MAS1L: variants seen among roughly 807,000 people sequenced by gnomAD.
The protein encoded by MAS1L is MAS1 proto-oncogene like, G protein-coupled receptor.
For missense variants in MAS1L, 441 were observed against 460.1 expected (o/e 0.96, Z 0.38); for synonymous variants, 160 against 182.9 (o/e 0.87, Z 1.01).
At position 29,487,120 on chromosome 6, in the gene MAS1L, C is replaced by T; in HGVS notation, c.783G>A (p.Arg261=). 6.2e-7 allele frequency: 1 copy of T among 1,613,998 alleles called. No individual in the cohort carries two copies. The highest frequency in any genetic ancestry group is 8.5e-7 in the Non-Finnish European group (1 of 1,179,970). The change falls in exon 1 of 1, where the codon AGG becomes AGA. Residue 261 remains arginine (R), a synonymous_variant. Transcript: ENST00000377127. The part of the protein sequence containing the change: ...LCCSQQQKAT[R]VYAVVQISAP... ...CCGAGATCTGCACCACCGCATAGACCCTGGTGGCCTTTTGCTGCTGGGAGC... is the reference window on the plus strand; with the variant it reads ...CCGAGATCTGCACCACCGCATAGACTCTGGTGGCCTTTTGCTGCTGGGAGC...
Position 29,487,286 on chromosome 6 carries a change from A to G in MAS1L, c.617T>C (p.Ile206Thr), listed in dbSNP as rs374509407. ...GTAAGTTAGGAAAAGTGATTTTACT[A>G]TGTTGATGCAAAAAGGCAGGCCCCA... ...LIWGLPFCINIVKSLFLTYWK... is the reference protein window; with the variant it reads ...LIWGLPFCINTVKSLFLTYWK... Residue 206 changes from isoleucine to threonine, a missense_variant, in exon 1 of 1, where the codon ATA (isoleucine) becomes ACA (threonine). Coordinates refer to ENST00000377127, the MANE Select transcript of MAS1L (RefSeq NM_052967.2). 2.8e-5 allele frequency: 46 copies of G among 1,614,172 alleles called. No individual in the cohort carries two copies. The African/African-American group carries it at 5.3e-4, about 19-fold the overall frequency.
chr6:29,487,947 A>G lies in MAS1L; in HGVS notation c.-45T>C, dbSNP rs763902051. The G allele has an allele frequency of 6.4e-7, 1 of 1,561,172 alleles. No individual in the cohort carries two copies. The highest frequency in any genetic ancestry group is 8.6e-7 in the Non-Finnish European group (1 of 1,156,674). On this transcript the variant is annotated 5_prime_UTR_variant, in exon 1 of 1. Transcript: ENST00000377127. The stretch of plus-strand genomic sequence containing the variant: ...GGGCCACAACATCACAGTCAGGAGC[A>G]GTGGTCCATCTAGTGGTGTCCTCTG...
chr6:29,487,647 A>G lies in MAS1L; in HGVS notation c.256T>C (p.Ser86Pro), dbSNP rs772533864. ...CCATTCAATAAGACCCCACAGAGGG[A>G]GACCAGCACAGCCTTGGGGGCAATG... ...NIIAPKAVLV[S>P]LCGVLLNGTV... The change falls in exon 1 of 1, where the codon TCC becomes CCC. Residue 86 changes from serine (S) to proline (P), a missense_variant. Transcript: ENST00000377127. 4 of 1,614,226 alleles carry G rather than the reference A, an allele frequency of 2.5e-6. No individual in the cohort carries two copies. The South Asian group carries it at 4.4e-5, about 18-fold the overall frequency.
rs560318783 is a variant in MAS1L at position 29,487,664 on chromosome 6, G to C, written c.239C>G (p.Pro80Arg). The change falls in exon 1 of 1, where the codon CCC (proline) becomes CGC (arginine). Residue 80 changes from proline to arginine, a missense_variant. By Grantham distance (103) the Pro-to-Arg change is moderately radical. Coordinates refer to ENST00000377127, the MANE Select transcript of MAS1L (RefSeq NM_052967.2). The stretch of plus-strand genomic sequence containing the variant: ...ACAGAGGGAGACCAGCACAGCCTTG[G>C]GGGCAATGATATTCAAGGGCAGGGC... ...QQALPLNIIA[P>R]KAVLVSLCGV... is the part of the protein sequence containing the mutation. 3.3e-5 allele frequency: 54 copies of C among 1,614,166 alleles called. No individual in the cohort carries two copies. In the South Asian group the frequency reaches 4.0e-4, roughly 12 times the overall value.
chr6:29,487,890 TC>T, the MAS1L span: 1 of 1,608,448 alleles, frequency 6.2e-7, no homozygotes, highest in Non-Finnish European at 8.5e-7. Flanking sequence ...CAGCAAATTT[TC>T]CCCCAGACCA....
chr6:29,487,343 T>C lies in MAS1L; in HGVS notation c.560A>G (p.Lys187Arg), dbSNP rs751134010. Residue 187 changes from lysine to arginine, a missense_variant, in exon 1 of 1, where the codon AAA becomes AGA. Transcript: ENST00000377127. ...FPIWYRCHRPKYTSNVVCTLI... is the reference protein window; with the variant it reads ...FPIWYRCHRPRYTSNVVCTLI... ...GGTGCAGACAACATTAGATGTGTATTTTGGGCGGTGGCATCTGTACCAGAT... is the reference window on the plus strand; with the variant it reads ...GGTGCAGACAACATTAGATGTGTATCTTGGGCGGTGGCATCTGTACCAGAT... 6.2e-7 allele frequency: 1 copy of C among 1,613,990 alleles called. No homozygotes were observed. The highest frequency in any genetic ancestry group is 8.5e-7 in the Non-Finnish European group (1 of 1,180,020).
rs1216922847 is a variant in MAS1L, at chr6:29,487,606, C to T, written c.297G>A (p.Leu99=). The T allele has an allele frequency of 5.0e-6, 8 of 1,614,218 alleles. No individual in the cohort carries two copies. Among genetic ancestry groups the T allele is most frequent in the Non-Finnish European group, 6.8e-6 (8 of 1,180,042 alleles). The change falls in exon 1 of 1, where the codon CTG becomes CTA. Residue 99 remains leucine (L), a synonymous_variant. Coordinates refer to ENST00000377127, the MANE Select transcript of MAS1L (RefSeq NM_052967.2). ...GVLLNGTVFW[L]LCCGATNPYM... Reference sequence around the variant, plus strand: ...AGGGATTCGTGGCCCCACAGCAAAGCAGCCAGAAGACAGTGCCATTCAATA... The same window carrying T: ...AGGGATTCGTGGCCCCACAGCAAAGTAGCCAGAAGACAGTGCCATTCAATA...
At position 29,487,905 on chromosome 6, in the gene MAS1L, G is replaced by A; in HGVS notation, c.-3C>T. ...CAGCAAATTTTCCCCCAGACCATGG[G>A]GTGCTGGGACCTGAGTGGGCCACAA... On this transcript the variant is annotated 5_prime_UTR_variant, in exon 1 of 1. Coordinates refer to ENST00000377127, the MANE Select transcript of MAS1L (RefSeq NM_052967.2). 1 of 1,603,520 alleles carries A rather than the reference G, an allele frequency of 6.2e-7. No individual in the cohort carries two copies. Among genetic ancestry groups the A allele is most frequent in the Non-Finnish European group, 8.5e-7 (1 of 1,176,246 alleles).
chr6:29,487,238 A>G lies in MAS1L; in HGVS notation c.665T>C (p.Val222Ala). Residue 222 changes from valine to alanine, a missense_variant, in exon 1 of 1, where the codon GTC becomes GCC. Coordinates refer to ENST00000377127, the MANE Select transcript of MAS1L (RefSeq NM_052967.2). The part of the protein sequence containing the change: ...LTYWKHVKAC[V>A]IFLKLSGLFH... ...GAGCCCAGAAAGCTTTAGAAATATG[A>G]CACATGCCTTTACATGTTTCCAGTA... 2 of 1,614,154 alleles carry G rather than the reference A, an allele frequency of 1.2e-6. No homozygotes were observed. The highest frequency in any genetic ancestry group is 2.2e-5 in the South Asian group (2 of 91,080).
At position 29,487,573 on chromosome 6, in the gene MAS1L, T is replaced by C. The variant is rs765710684; in HGVS notation, c.330A>G (p.Val110=). The change falls in exon 1 of 1, where the codon GTA becomes GTG. Residue 110 remains valine (V), a synonymous_variant. Transcript: ENST00000377127. ...CAGCAGCGACCAGGTGGAGGATGTA[T>C]ACCATGTAGGGATTCGTGGCCCCAC... ...LCCGATNPYM[V]YILHLVAADV... 1.9e-6 allele frequency: 3 copies of C among 1,614,010 alleles called. No homozygotes were observed. Among genetic ancestry groups the C allele is most frequent in the Non-Finnish European group, 2.5e-6 (3 of 1,180,028 alleles).
rs1293691952 is a variant in MAS1L, at chr6:29,487,861, T to C, written c.42A>G (p.Gly14=). The C allele has an allele frequency of 6.2e-7, 1 of 1,613,054 alleles. No individual in the cohort carries two copies. Among genetic ancestry groups the C allele is most frequent in the Non-Finnish European group, 8.5e-7 (1 of 1,179,858 alleles). Residue 14 remains glycine (G), a synonymous_variant, in exon 1 of 1, where the codon GGA becomes GGG. Coordinates refer to ENST00000377127, the MANE Select transcript of MAS1L (RefSeq NM_052967.2). ...GKICWFSQRA[G]WTVFAESQIS... ...TCTGTGACTCAGCAAACACTGTCCA[T>C]CCAGCCCTCTGGCTGAACCAGCAAA...
Position 29,487,895 on chromosome 6 carries a change from CAGA to C in MAS1L, c.5_7del (p.Val2_Trp3delinsGly). On this transcript the variant is annotated inframe_deletion, in exon 1 of 1. Transcript: ENST00000377127. ...CTGGCTGAACCAGCAAATTTTCCCC[CAGA>C]CCATGGGGTGCTGGGACCTGAGTGG... 6.2e-7 allele frequency: 1 copy of C among 1,607,552 alleles called. No homozygotes were observed. Among genetic ancestry groups the C allele is most frequent in the South Asian group, 1.1e-5 (1 of 90,590 alleles).
At position 29,487,828 on chromosome 6, in the gene MAS1L, G is replaced by A; in HGVS notation, c.75C>T (p.Leu25=). The stretch of plus-strand genomic sequence containing the variant: ...CACTGTGGAGACAAAGGCTACATGA[G>A]AGAGATATCTGTGACTCAGCAAACA... ...WTVFAESQIS[L]SCSLCLHSGD... is the part of the protein sequence containing the mutation. The change falls in exon 1 of 1, where the codon CTC becomes CTT. Residue 25 remains leucine (L), a synonymous_variant. Coordinates refer to ENST00000377127, the MANE Select transcript of MAS1L (RefSeq NM_052967.2). 1 of 1,614,098 alleles carries A rather than the reference G, an allele frequency of 6.2e-7. No individual in the cohort carries two copies. Among genetic ancestry groups the A allele is most frequent in the East Asian group, 2.2e-5 (1 of 44,884 alleles).
At position 29,487,091 on chromosome 6, in the gene MAS1L, G is replaced by C; in HGVS notation, c.812C>G (p.Pro271Arg). The C allele has an allele frequency of 6.4e-7, 1 of 1,572,554 alleles. No homozygotes were observed. The highest frequency in any genetic ancestry group is 2.3e-5 in the East Asian group (1 of 43,264). The change falls in exon 1 of 1, where the codon CCC becomes CGC. Residue 271 changes from proline to arginine, a missense_variant. Transcript: ENST00000377127. ...RVYAVVQISAPMFLLWALPLS... is the reference protein window; with the variant it reads ...RVYAVVQISARMFLLWALPLS... ...GGGTAGGGCCCAGAGTAGGAACATG[G>C]GGGCCGAGATCTGCACCACCGCATA...
the MAS1L span, chr6:29,487,137 G>A: frequency 7.1e-5 from 114 of 1,613,968 alleles, no homozygotes; most frequent in Non-Finnish European, 8.8e-5. Flanking sequence ...GCCTTTTGCT[G>A]CTGGGAGCAG....
At position 29,486,945 on chromosome 6, in the gene MAS1L, G is replaced by C; in HGVS notation, c.958C>G (p.Leu320Val). The change falls in exon 1 of 1, where the codon CTC becomes GTC. Residue 320 changes from leucine to valine, a missense_variant. Leu to Val is a conservative substitution (Grantham distance 32). Transcript: ENST00000377127. ...NPIIYFFVGS[L>V]RKKRLKESLR... ...GATTCCTTCAGCCTTTTCTTTCTGA[G>C]GCTCCCCACAAAGAAATAAATGATA... The C allele has an allele frequency of 6.2e-7, 1 of 1,614,128 alleles. No individual in the cohort carries two copies. The highest frequency in any genetic ancestry group is 8.5e-7 in the Non-Finnish European group (1 of 1,180,034).
rs767078853 is a variant in MAS1L at position 29,487,350 on chromosome 6, G to A, written c.553C>T (p.Arg185Cys). The change falls in exon 1 of 1, where the codon CGC becomes TGC. Residue 185 changes from arginine to cysteine, a missense_variant. Physicochemically the swap from Arg to Cys is radical, Grantham distance 180. Coordinates refer to ENST00000377127, the MANE Select transcript of MAS1L (RefSeq NM_052967.2). ...ACAACATTAGATGTGTATTTTGGGC[G>A]GTGGCATCTGTACCAGATGGGGAAG... ...VLFPIWYRCH[R>C]PKYTSNVVCT... 2.5e-5 allele frequency: 41 copies of A among 1,613,908 alleles called. No individual in the cohort carries two copies. The highest frequency in any genetic ancestry group is 1.6e-4 in the Middle Eastern group (1 of 6,084).
rs147370030 is a variant in MAS1L at position 29,487,356 on chromosome 6, A to C, written c.547T>G (p.Cys183Gly). Residue 183 changes from cysteine (C) to glycine (G), a missense_variant, in exon 1 of 1, where the codon TGC (cysteine) becomes GGC (glycine). Physicochemically the swap from Cys to Gly is radical, Grantham distance 159. Transcript: ENST00000377127. Reference sequence around the variant, plus strand: ...TTAGATGTGTATTTTGGGCGGTGGCATCTGTACCAGATGGGGAAGAGGACA... The same window carrying C: ...TTAGATGTGTATTTTGGGCGGTGGCCTCTGTACCAGATGGGGAAGAGGACA... ...VCVLFPIWYR[C>G]HRPKYTSNVV... The C allele has an allele frequency of 6.2e-7, 1 of 1,614,074 alleles. No homozygotes were observed. The highest frequency in any genetic ancestry group is 2.2e-5 in the East Asian group (1 of 44,882).
rs1789373704 is a variant in MAS1L at position 29,487,402 on chromosome 6, G to A, written c.501C>T (p.Ile167=). The A allele has an allele frequency of 6.2e-7, 1 of 1,613,846 alleles. No individual in the cohort carries two copies. The change falls in exon 1 of 1, where the codon ATC becomes ATT. Residue 167 remains isoleucine (I), a synonymous_variant. Coordinates refer to ENST00000377127, the MANE Select transcript of MAS1L (RefSeq NM_052967.2). ...GGACACACACACACCGCTCTGTGCT[G>A]ATGGCCACCAGGAGACAGAGACACA... is the stretch of plus-strand genomic sequence containing the variant. ...FEVCLCLLVA[I]STERCVCVLF... is the part of the protein sequence containing the mutation.
Sources: gnomAD v4.1 joint callset for allele counts on GRCh38, gnomAD v4.1.1 for gene constraint, MANE v1.5 for transcripts, NCBI Gene and HGNC (gene_info 2026-07-23, HGNC 2026-07-21) for gene names.